Variants in IGSF9 observed in about 807,000 individuals in gnomAD.
The protein encoded by IGSF9 is protein turtle homolog A.
Under a neutral mutation model 121.7 loss-of-function variants are expected in IGSF9, and 87 were observed. The observed-to-expected ratio is 0.71, with a 90% CI of 0.60 to 0.85. The LOEUF is 0.85. Ranked by LOEUF, IGSF9 falls within the 40% of genes least tolerant of loss-of-function variation. The pLI, the probability that IGSF9 is intolerant of heterozygous loss-of-function variation, is 0.00. For missense variants in IGSF9, 1,462 were observed against 1,565.3 expected (o/e 0.93, Z 1.11); for synonymous variants, 640 against 648.4 (o/e 0.99, Z 0.20).
At position 159,934,338 on chromosome 1, in the gene IGSF9, G is replaced by T. The variant is rs560609038; in HGVS notation, c.962-6C>A. ...AGCTGTCACCTGGGCTGGGTCTGGG[G>T]GAAAGTAGTGGCAAGTTGGGGGAGA... On this transcript the variant is annotated splice_polypyrimidine_tract_variant and splice_region_variant and intron_variant, in intron 8 of 20. Coordinates refer to ENST00000368094, the MANE Select transcript of IGSF9 (RefSeq NM_001135050.2). 492 of 1,584,110 alleles carry T rather than the reference G, an allele frequency of 3.1e-4. 7 individuals carry two copies. In the South Asian group the frequency reaches 5.5e-3, roughly 18 times the overall value.
chr1:159,944,999 A>G (rs542100656), intron 1 of IGSF9, among the ~76,000 whole-genome samples: 4 of 151,764 alleles, frequency 2.6e-5, no homozygotes, highest in Non-Finnish European at 4.4e-5. Context: ...CAGTCTCTTA[A>G]TATCTTTCCA....
At chr1:159,935,079 T>C (rs1025499467) in intron 6 of IGSF9, among the ~76,000 whole-genome samples, 3 of 152,188 alleles carry the variant, frequency 2.0e-5, no homozygotes, top group African/African-American at 7.2e-5. Context: ...TGCCTAGGAA[T>C]GGTGTGTGTG....
Position 159,928,857 on chromosome 1 carries a change from G to A in IGSF9, c.2531C>T (p.Pro844Leu). 4.4e-6 allele frequency: 7 copies of A among 1,576,052 alleles called. No individual in the cohort carries two copies. Among genetic ancestry groups the A allele is most frequent in the Non-Finnish European group, 5.2e-6 (6 of 1,163,386 alleles). ...PSSRGPLPLE[P>L]ICRGPDGRFV... ...GCGCCCGTCTGGGCCCCGGCAAATG[G>A]GCTCCAGAGGTAAGGGTCCCCGGCT... Residue 844 changes from proline to leucine, a missense_variant, in exon 19 of 21, where the codon CCC becomes CTC. Physicochemically the swap from Pro to Leu is moderately conservative, Grantham distance 98. This residue lies in a region of IGSF9 where 808 missense variants were observed against 815.2 expected (regional missense o/e 0.99). Transcript: ENST00000368094.
chr1:159,943,883 A>C (rs1054160572), intron 1 of IGSF9, among the ~76,000 whole-genome samples: 3 of 152,118 alleles, frequency 2.0e-5, no homozygotes, highest in Non-Finnish European at 4.4e-5. Context: ...GGAAGGTCTT[A>C]GGAAATGTGG....
In IGSF9 at chr1:159,930,418, G is replaced by A. The variant is rs201982968; in HGVS notation, c.1835C>T (p.Ala612Val). The A allele has an allele frequency of 1.3e-6, 2 of 1,543,272 alleles. No homozygotes were observed. The highest frequency in any genetic ancestry group is 1.7e-6 in the Non-Finnish European group (2 of 1,145,048). Residue 612 changes from alanine (A) to valine (V), a missense_variant, in exon 15 of 21, where the codon GCA becomes GTA. Physicochemically the swap from Ala to Val is moderately conservative, Grantham distance 64 (BLOSUM62 0). This residue lies in a region of IGSF9 where 808 missense variants were observed against 815.2 expected (regional missense o/e 0.99). Transcript: ENST00000368094. ...TATCTCTGTTGGGGGAAGCCCGGGT[G>A]CAGCTGGCGTGGTAGGAAGCCCTGC... ...APEGLPTTPA[A>V]PGLPPTEIPP...
rs368394599 is a variant in IGSF9, at chr1:159,937,683, T to C, written c.400+3A>G. ...CTCCACCACCTGCCCCCCAGCTTCA[T>C]ACAATTGACTGTCAGATGCACCCAG... On this transcript the variant is annotated splice_donor_region_variant and intron_variant, in intron 4 of 20. Transcript: ENST00000368094. 5.6e-6 allele frequency: 9 copies of C among 1,613,214 alleles called. No individual in the cohort carries two copies. Among genetic ancestry groups the C allele is most frequent in the Middle Eastern group, 1.6e-4 (1 of 6,072 alleles).
chr1:159,933,736 C>T (rs570736011), intron 9 of IGSF9: 6 of 199,406 alleles, frequency 3.0e-5, no homozygotes, highest in Admixed American at 1.6e-4. Flanking sequence ...GAGGAAGGCA[C>T]GAGCTCCATC....
At chr1:159,937,880 A>C in intron 3 of IGSF9, 42 bp from the exon 4 acceptor site, 1 of 1,591,360 alleles carries the variant, frequency 6.3e-7, no homozygotes, top group Non-Finnish European at 8.6e-7. Context: ...AAGGAACCCC[A>C]TGGAAGCCCC....
chr1:159,936,690 C>T (rs1557935398), intron 5 of IGSF9, 64 bp downstream of exon 5: 1 of 1,586,736 alleles, frequency 6.3e-7, no homozygotes, highest in East Asian at 2.2e-5. Context: ...TCTGGCCCCA[C>T]TGCCAGGCCC....
chr1:159,932,632 G>T lies in IGSF9; in HGVS notation c.1125C>A (p.Gly375=). The stretch of plus-strand genomic sequence containing the variant: ...GGGCGATGATCAGTGAGCCTTCTGT[G>T]CCCTGGGACCAGCCAGGGAACTGGA... ...QLDKFPGWSQ[G]TEGSLIIALG... The change falls in exon 10 of 21, where the codon GGC becomes GGA. Residue 375 remains glycine, a synonymous_variant. Transcript: ENST00000368094. The surrounding 1 kb of genome is among the most constrained non-coding windows in gnomAD (Gnocchi z 4.1). The T allele has an allele frequency of 6.2e-7, 1 of 1,612,824 alleles. No individual in the cohort carries two copies. The highest frequency in any genetic ancestry group is 8.5e-7 in the Non-Finnish European group (1 of 1,179,126).
chr1:159,942,660 G>C (rs1294771346), intron 3 of IGSF9, among the ~76,000 whole-genome samples: 1 of 152,148 alleles, frequency 6.6e-6, no homozygotes, highest in Non-Finnish European at 1.5e-5. Flanking sequence ...TACAGAATTA[G>C]AATGGATATT....
In IGSF9 at chr1:159,931,884, T is replaced by C; in HGVS notation, c.1290A>G (p.Gln430=). 1 of 1,597,934 alleles carries C rather than the reference T, an allele frequency of 6.3e-7. No homozygotes were observed. ...FIERPKEEYF[Q]EVGRELLIPC... ...GGATGAGCAGCTCCCGCCCTACTTC[T>C]TGGAAATATTCTTCCTTGGGCCGCT... Residue 430 remains glutamine, a synonymous_variant, in exon 11 of 21, where the codon CAA becomes CAG. Coordinates refer to ENST00000368094, the MANE Select transcript of IGSF9 (RefSeq NM_001135050.2). The surrounding 1 kb of genome is among the most constrained non-coding windows in gnomAD (Gnocchi z 4.8).
Position 159,943,037 on chromosome 1 carries a change from A to G in IGSF9, c.173T>C (p.Leu58Pro). The change falls in exon 3 of 21, where the codon CTG (leucine) becomes CCG (proline). Residue 58 changes from leucine (L) to proline (P), a missense_variant. This residue lies in a region of IGSF9 where 558 missense variants were observed against 599.4 expected (regional missense o/e 0.93). Transcript: ENST00000368094. ...GATGGGAAGCAGGAATCCAAAGCGC[A>G]GCCACTCGATGACATGCAGGGGGGG... is the stretch of plus-strand genomic sequence containing the variant. The part of the protein sequence containing the change: ...GRPPLHVIEW[L>P]RFGFLLPIFI... 1 of 1,613,306 alleles carries G rather than the reference A, an allele frequency of 6.2e-7. No homozygotes were observed. The highest frequency in any genetic ancestry group is 8.5e-7 in the Non-Finnish European group (1 of 1,179,652).
chr1:159,930,031 A>G, intron 15 of IGSF9, 56 bp from the exon 16 acceptor site: 1 of 1,576,514 alleles, frequency 6.3e-7, no homozygotes. Flanking sequence ...CGCCCAACCC[A>G]GCGGGGCGCG....
At chr1:159,934,898 C>T in intron 6 of IGSF9, 76 bp from the exon 7 acceptor site, 1 of 1,548,868 alleles carries the variant, frequency 6.5e-7, no homozygotes, top group Non-Finnish European at 8.8e-7. Flanking sequence ...CTCTACAACT[C>T]TTCCCAGCTC....
At position 159,943,058 on chromosome 1, in the gene IGSF9, G is replaced by C. The variant is rs201078115; in HGVS notation, c.152C>G (p.Pro51Arg). The change falls in exon 3 of 21, where the codon CCC (proline) becomes CGC (arginine). Residue 51 changes from proline (P) to arginine (R), a missense_variant. Around this residue, in one of 3 missense-constraint regions of IGSF9, gnomAD observed 558 missense variants for 599.4 expected, o/e 0.93. Coordinates refer to ENST00000368094, the MANE Select transcript of IGSF9 (RefSeq NM_001135050.2). ...GCGCAGCCACTCGATGACATGCAGG[G>C]GGGGCCGGCCGGCCGGGGGCAGCAG... ...CDLLPPAGRPPLHVIEWLRFG... is the reference protein window; with the variant it reads ...CDLLPPAGRPRLHVIEWLRFG... 1.2e-6 allele frequency: 2 copies of C among 1,613,226 alleles called. No homozygotes were observed. The highest frequency in any genetic ancestry group is 1.7e-6 in the Non-Finnish European group (2 of 1,179,608).
chr1:159,941,186 C>T (rs1651365275), intron 3 of IGSF9, among the ~76,000 whole-genome samples: 1 of 152,230 alleles, frequency 6.6e-6, no homozygotes, highest in South Asian at 2.1e-4. Flanking sequence ...CAGGGTTCCG[C>T]ACACATTCTA....
intron 6 of IGSF9, among the ~76,000 whole-genome samples, chr1:159,935,863 C>T (rs189293308): frequency 2.0e-5 from 3 of 152,300 alleles, no homozygotes; most frequent in African/African-American, 4.8e-5. Context: ...AACCATTACC[C>T]GGCACTGCCT....
Position 159,931,387 on chromosome 1 carries a change from C to G in IGSF9, c.1513+66G>C. On this transcript the variant is annotated intron_variant, in intron 12 of 20. Coordinates refer to ENST00000368094, the MANE Select transcript of IGSF9 (RefSeq NM_001135050.2). This position sits in a 1 kb window ranked among gnomAD's most constrained non-coding sequence, Gnocchi z 4.8. The stretch of plus-strand genomic sequence containing the variant: ...GGGTCCCACACCCATGATCCTCTTT[C>G]TGGGCCTCCAAAAACGATTCCCAAG... The G allele has an allele frequency of 6.3e-7, 1 of 1,597,684 alleles. No homozygotes were observed.
Sources: allele counts gnomAD v4.1 joint callset (sites outside exome capture counted in the v4.1 genomes callset), GRCh38; gene constraint gnomAD v4.1.1; regional missense constraint gnomAD v4.1.1; non-coding constraint Gnocchi (gnomAD v3.1); transcripts MANE v1.5; gene names NCBI Gene and HGNC (gene_info 2026-07-23, HGNC 2026-07-21).